OPCML: variants seen among roughly 807,000 people sequenced by gnomAD.
OPCML encodes the protein opioid binding protein/cell adhesion molecule like, also known as opioid-binding protein/cell adhesion molecule.
Under a neutral mutation model 37.8 loss-of-function variants are expected in OPCML, and 13 were observed. The observed-to-expected ratio is 0.34, with a 90% CI of 0.22 to 0.55. OPCML has a LOEUF of 0.55. Among genes scored for constraint, OPCML ranks in the 20% least tolerant of loss-of-function variants. The probability of loss-of-function intolerance (pLI) is 0.91; values close to 1 mark genes in which losing one functional copy is unlikely to be tolerated. For synonymous variants in OPCML, 176 were observed against 168.8 expected, an observed-to-expected ratio of 1.04 and a Z score of -0.33; for missense variants, 341 against 435.6, an observed-to-expected ratio of 0.78 and a Z score of 1.93.
At chr11:133,459,581 G>A (rs1263970911) in intron 1 of OPCML, among the ~76,000 whole-genome samples, 2 of 151,984 alleles carry the variant, frequency 1.3e-5, no homozygotes, top group African/African-American at 4.8e-5. Context: ...AGCAAAAACG[G>A]CCAACTAATA....
At chr11:132,426,389 C>T (rs1167436789) in intron 7 of OPCML, among the ~76,000 whole-genome samples, 3 of 152,140 alleles carry the variant, frequency 2.0e-5, no homozygotes, top group Non-Finnish European at 2.9e-5. Context: ...TTTTGAGAGG[C>T]TACGTGTCTT....
At chr11:132,526,443 T>G (rs2096308710) in intron 4 of OPCML, among the ~76,000 whole-genome samples, 1 of 152,172 alleles carries the variant, frequency 6.6e-6, no homozygotes, top group African/African-American at 2.4e-5. Flanking sequence ...TACATATACT[T>G]TAATACTCTC....
chr11:132,896,061 T>C (rs914495104), intron 2 of OPCML, among the ~76,000 whole-genome samples: 1 of 152,188 alleles, frequency 6.6e-6, no homozygotes, highest in Non-Finnish European at 1.5e-5. Flanking sequence ...GCCGAGGTCC[T>C]CAATTTAACT....
At chr11:133,210,049 C>T (rs74820488) in intron 1 of OPCML, among the ~76,000 whole-genome samples, 3,442 of 152,250 alleles carry the variant, frequency 0.023, 116 homozygotes, top group African/African-American at 0.076. Flanking sequence ...CACACCTCTC[C>T]GTACGTGCTA....
chr11:132,505,065 A>G (rs1310661858), intron 4 of OPCML, among the ~76,000 whole-genome samples: 1 of 152,182 alleles, frequency 6.6e-6, no homozygotes, highest in Non-Finnish European at 1.5e-5. Flanking sequence ...AAAGAGAAGT[A>G]TAACAGGTGG....
chr11:132,797,515 T>G (rs1938396907), intron 2 of OPCML, among the ~76,000 whole-genome samples: 1 of 152,228 alleles, frequency 6.6e-6, no homozygotes, highest in Admixed American at 6.5e-5. Context: ...CTCAATAAAG[T>G]GAGTTTCACT....
rs902709294 is a variant in OPCML, at chr11:133,174,816, C to A, written c.62-231806G>T. Among the ~76,000 whole-genome samples the A allele has an allele frequency of 6.6e-6, 1 of 152,088 alleles. No homozygotes were observed. The highest frequency in any genetic ancestry group is 2.1e-4 in the South Asian group (1 of 4,824). On this transcript the variant is annotated intron_variant, in intron 1 of 7. Coordinates refer to ENST00000524381, the MANE Select transcript of OPCML (RefSeq NM_001012393.5). This position sits in a 1 kb window ranked among gnomAD's most constrained non-coding sequence, Gnocchi z 4.6. ...ATGATGAGTGTATACTTCGTGTGCA[C>A]TAGAAAAAGAGTACTTTAAAATAAC...
chr11:133,445,141 C>A (rs1473388190), intron 1 of OPCML, among the ~76,000 whole-genome samples: 1 of 149,338 alleles, frequency 6.7e-6, no homozygotes, highest in East Asian at 2.0e-4. Flanking sequence ...ACCCCATCTA[C>A]ACAATTTCAG....
At chr11:133,144,301 G>A (rs969142733) in intron 1 of OPCML, among the ~76,000 whole-genome samples, 1 of 152,234 alleles carries the variant, frequency 6.6e-6, no homozygotes, top group Non-Finnish European at 1.5e-5. Flanking sequence ...CACAGGCCCT[G>A]AGCAGAGCCT....
At chr11:132,836,453 T>C (rs4937731) in intron 2 of OPCML, among the ~76,000 whole-genome samples, 87,941 of 151,892 alleles carry the variant, frequency 0.58, 25,719 homozygotes, top group African/African-American at 0.61. Context: ...AAGTTCAAAA[T>C]GTATATGATA....
intron 2 of OPCML, among the ~76,000 whole-genome samples, chr11:132,939,745 C>A (rs1238011124): frequency 6.6e-6 from 1 of 152,200 alleles, no homozygotes; most frequent in Non-Finnish European, 1.5e-5. Flanking sequence ...ACATCCTGGG[C>A]TCCTTTCCTG....
intron 1 of OPCML, among the ~76,000 whole-genome samples, chr11:133,078,167 G>C (rs556614388): frequency 3.9e-5 from 6 of 152,266 alleles, no homozygotes; most frequent in African/African-American, 1.4e-4. Context: ...TACTTGAGGT[G>C]CACACCAAGC....
intron 1 of OPCML, among the ~76,000 whole-genome samples, chr11:133,207,293 C>A (rs1428903866): frequency 1.3e-5 from 2 of 151,970 alleles, no homozygotes; most frequent in African/African-American, 4.8e-5. Context: ...GAGTGAGACT[C>A]CATCTCAAAA....
intron 7 of OPCML, 103 bp downstream of exon 7, chr11:132,435,983 G>A: frequency 8.3e-7 from 1 of 1,198,904 alleles, no homozygotes; most frequent in Non-Finnish European, 1.2e-6. Flanking sequence ...GGTTGAGTAG[G>A]ATGGATGGAC....
At chr11:133,357,615 C>T (rs986337758) in intron 1 of OPCML, among the ~76,000 whole-genome samples, 2 of 152,084 alleles carry the variant, frequency 1.3e-5, no homozygotes, top group African/African-American at 4.8e-5. Context: ...CAAGAATGTC[C>T]AGTGAGGGCC....
At chr11:133,195,820 A>T (rs1162314556) in intron 1 of OPCML, among the ~76,000 whole-genome samples, 1 of 152,212 alleles carries the variant, frequency 6.6e-6, no homozygotes, top group Non-Finnish European at 1.5e-5. Flanking sequence ...CAGAGTCTTA[A>T]CACATAGTAT....
At chr11:132,672,501 C>G (rs1942519110) in intron 2 of OPCML, among the ~76,000 whole-genome samples, 1 of 152,110 alleles carries the variant, frequency 6.6e-6, no homozygotes, top group Non-Finnish European at 1.5e-5. Context: ...CGGCTTAAAT[C>G]AAACACTTCC....
intron 3 of OPCML, among the ~76,000 whole-genome samples, chr11:132,565,398 C>T (rs1038849781): frequency 1.3e-5 from 2 of 152,176 alleles, no homozygotes; most frequent in African/African-American, 4.8e-5. Flanking sequence ...ATCATATGTA[C>T]TCAGATTTGA....
chr11:133,488,294 C>T (rs1280105363), intron 1 of OPCML, among the ~76,000 whole-genome samples: 1 of 152,064 alleles, frequency 6.6e-6, no homozygotes, highest in African/African-American at 2.4e-5. Context: ...AAATAAAAGG[C>T]ATCCAAATTG....
Sources: allele counts gnomAD v4.1 joint callset (sites outside exome capture counted in the v4.1 genomes callset), GRCh38; gene constraint gnomAD v4.1.1; non-coding constraint Gnocchi (gnomAD v3.1); transcripts MANE v1.5; gene names NCBI Gene and HGNC (gene_info 2026-07-23, HGNC 2026-07-21).